CFAP70: variants seen among roughly 807,000 people sequenced by gnomAD.
CFAP70 encodes the protein cilia and flagella associated protein 70.
Under a neutral mutation model 137.6 loss-of-function variants are expected in CFAP70, and 81 were observed. The ratio of observed to expected loss-of-function variants is 0.59; its 90% CI spans 0.49 to 0.71. CFAP70 has a LOEUF of 0.71. Among genes scored for constraint, CFAP70 ranks in the 30% least tolerant of loss-of-function variants. The probability of loss-of-function intolerance (pLI) is 0.00; values close to 1 mark genes in which losing one functional copy is unlikely to be tolerated. For missense variants in CFAP70, 976 were observed against 1,226.7 expected (o/e 0.80, Z 3.05); for synonymous variants, 382 against 423.6 (o/e 0.90, Z 1.20).
intron 23 of CFAP70, 93 bp from the exon 25 acceptor site, chr10:73,273,110 A>C: frequency 3.1e-6 from 3 of 973,012 alleles, no homozygotes; most frequent in Non-Finnish European, 4.8e-6. Flanking sequence ...ATTGCTCTCC[A>C]GAACAATCTA....
At chr10:73,261,482 G>A (rs901017291) in intron 25 of CFAP70, among the ~76,000 whole-genome samples, 13 of 152,288 alleles carry the variant, frequency 8.5e-5, no homozygotes, top group African/African-American at 2.4e-4. Flanking sequence ...TACGTGGATG[G>A]TAGCAGGCAA....
intron 8 of CFAP70, among the ~76,000 whole-genome samples, chr10:73,324,079 C>T (rs2132227184): frequency 6.6e-6 from 1 of 152,326 alleles, no homozygotes; most frequent in South Asian, 2.1e-4. Flanking sequence ...AACTGGGAGG[C>T]ACCCCCTAGT....
At chr10:73,353,622 T>G (rs956694966) in exon 3 of CFAP70, 1 of 1,614,220 alleles carries the variant, frequency 6.2e-7, no homozygotes, top group Non-Finnish European at 8.5e-7. Context: ...TCAAAACTGC[T>G]AGTGAAGTTG....
intron 25 of CFAP70, among the ~76,000 whole-genome samples, chr10:73,264,902 A>T (rs966879336): frequency 6.6e-6 from 1 of 151,994 alleles, no homozygotes; most frequent in Middle Eastern, 3.2e-3. Flanking sequence ...AAAAGTCAGA[A>T]CTCTACAAAA....
intron 16 of CFAP70, among the ~76,000 whole-genome samples, chr10:73,292,587 T>C (rs1443451336): frequency 6.6e-6 from 1 of 152,136 alleles, no homozygotes; most frequent in Non-Finnish European, 1.5e-5. Flanking sequence ...TCTCAAAAAG[T>C]TAAACACAGA....
chr10:73,295,864 T>C (rs1291793522), intron 15 of CFAP70: 1 of 152,182 alleles, frequency 6.6e-6, no homozygotes, highest in African/African-American at 2.4e-5. Context: ...GCTCCCCAAA[T>C]CTCATCTCTA....
chr10:73,290,044 C>CAAAAAAAAAAAAAAAAA (rs397847750), intron 19 of CFAP70, among the ~76,000 whole-genome samples: 28 of 72,210 alleles, frequency 3.9e-4, no homozygotes, highest in East Asian at 1.5e-3. Context: ...GACTCCATCT[C>CAAAAAAAAAAAAAAAAA]AAAAAAAAAA....
At chr10:73,298,940 A>C (rs772731126) in exon 14 of CFAP70, 1 of 1,614,046 alleles carries the variant, frequency 6.2e-7, no homozygotes, top group Non-Finnish European at 8.5e-7. Flanking sequence ...AGTATTTTCC[A>C]GAGCAATTAA....
chr10:73,360,469 C>T (rs926036908), upstream of CFAP70, among the ~76,000 whole-genome samples: 2 of 152,178 alleles, frequency 1.3e-5, no homozygotes, highest in South Asian at 4.1e-4. Context: ...CTTCCTTACA[C>T]GATTTGGGCA....
At chr10:73,341,522 A>G (rs745357763) in exon 6 of CFAP70, 2 of 1,614,220 alleles carry the variant, frequency 1.2e-6, no homozygotes, top group South Asian at 1.1e-5. Flanking sequence ...GCCGGGGAAC[A>G]GGTTCCCTTT....
In CFAP70 at chr10:73,291,768, C is replaced by G. The variant is rs373551272; in HGVS notation, c.1905-13G>C. The G allele has an allele frequency of 6.2e-7, 1 of 1,613,996 alleles. No homozygotes were observed. On this transcript the variant is annotated splice_polypyrimidine_tract_variant and intron_variant, in intron 17 of 26. Transcript: ENST00000310715. ...ACACAGCAACAAGCTGAGAAAAGAT[C>G]ACCAACATGATTAACAACACGGTCC...
intron 19 of CFAP70, among the ~76,000 whole-genome samples, chr10:73,279,844 C>T (rs1057301160): frequency 1.1e-4 from 16 of 151,016 alleles, no homozygotes; most frequent in Admixed American, 8.0e-4. Flanking sequence ...GGTAACACAG[C>T]GAGACTCTGT....
chr10:73,336,442 T>A (rs1440378463), intron 6 of CFAP70, among the ~76,000 whole-genome samples: 2 of 152,122 alleles, frequency 1.3e-5, no homozygotes, highest in African/African-American at 4.8e-5. Context: ...TAGCCTCAGG[T>A]CTACTATTTT....
At chr10:73,279,871 AG>A (rs2047130354) in intron 19 of CFAP70, among the ~76,000 whole-genome samples, 1 of 152,098 alleles carries the variant, frequency 6.6e-6, no homozygotes, top group Admixed American at 6.6e-5. Context: ...AAAAGAGAAA[AG>A]AAAAGAAAAA....
At chr10:73,254,193 A>G (rs2044239577) in intron 26 of CFAP70, 138 bp from the exon 28 acceptor site, 1 of 536,376 alleles carries the variant, frequency 1.9e-6, no homozygotes, top group East Asian at 3.0e-5. Context: ...CTATTTCCCT[A>G]CTTCATGAAA....
At chr10:73,277,153 A>G (rs980534777) in intron 21 of CFAP70, 87 bp downstream of exon 22, 1 of 1,442,552 alleles carries the variant, frequency 6.9e-7, no homozygotes, top group Non-Finnish European at 9.3e-7. Flanking sequence ...TTTCACAAAT[A>G]TGGAAGCTTG....
chr10:73,348,290 T>C (rs771366911), intron 4 of CFAP70, 55 bp from the exon 5 acceptor site: 6 of 1,585,868 alleles, frequency 3.8e-6, no homozygotes, highest in African/African-American at 1.3e-5. Flanking sequence ...TTGGGATGAC[T>C]GCAGGCAGAG....
At chr10:73,255,136 C>T (rs561046929) in intron 26 of CFAP70, among the ~76,000 whole-genome samples, 18 of 152,124 alleles carry the variant, frequency 1.2e-4, no homozygotes, top group South Asian at 4.1e-4. Context: ...TGGTGGCTCA[C>T]GCTTATAATC....
chr10:73,292,118 C>T (rs2048221048), intron 16 of CFAP70, 104 bp from the exon 18 acceptor site: 2 of 1,377,598 alleles, frequency 1.5e-6, no homozygotes, highest in Admixed American at 2.2e-5. Context: ...TATGAAAGCA[C>T]AGATTGTGAC....
Sources: allele counts gnomAD v4.1 joint callset (sites outside exome capture counted in the v4.1 genomes callset), GRCh38; gene constraint gnomAD v4.1.1; transcripts MANE v1.5; gene names NCBI Gene and HGNC (gene_info 2026-07-23, HGNC 2026-07-21).